Variants in IL18R1 observed in about 807,000 individuals in gnomAD.
The protein encoded by IL18R1 is interleukin-18 receptor 1.
IL18R1 carries 40 observed loss-of-function variants against 48.5 expected under a neutral mutation model. The observed-to-expected ratio is 0.82, with a 90% CI of 0.64 to 1.07. The LOEUF is 1.07. IL18R1 is among the 50% of genes least tolerant of loss of function. The pLI is 0.00. For missense variants in IL18R1, 596 were observed against 633.7 expected, an observed-to-expected ratio of 0.94 and a Z score of 0.64; for synonymous variants, 232 against 225.9, an observed-to-expected ratio of 1.03 and a Z score of -0.24.
At chr2:102,388,767 C>G (rs1014969380) in intron 8 of IL18R1, among the ~76,000 whole-genome samples, 2 of 152,134 alleles carry the variant, frequency 1.3e-5, no homozygotes, top group Non-Finnish European at 2.9e-5. Context: ...TTCCAAGGTA[C>G]AGGAGCCCCA....
chr2:102,395,996 G>A (rs2105137546), intron 10 of IL18R1, among the ~76,000 whole-genome samples: 1 of 152,296 alleles, frequency 6.6e-6, no homozygotes, highest in East Asian at 1.9e-4. Flanking sequence ...TGCAGAAAAA[G>A]TTTGCCAACC....
chr2:102,364,080 G>T (rs956820992), intron 2 of IL18R1, among the ~76,000 whole-genome samples: 4 of 152,106 alleles, frequency 2.6e-5, no homozygotes, highest in Non-Finnish European at 5.9e-5. Context: ...GGGGTGGTGT[G>T]GACTTTCAAT....
At chr2:102,362,964 A>G (rs1201742555) in intron 2 of IL18R1, 5 of 306,320 alleles carry the variant, frequency 1.6e-5, no homozygotes, top group Non-Finnish European at 3.0e-5. Context: ...CATCTTTATT[A>G]TTGGGTTTTA....
intron 3 of IL18R1, 101 bp downstream of exon 3, chr2:102,368,169 T>A: frequency 8.2e-7 from 1 of 1,223,790 alleles, no homozygotes; most frequent in Admixed American, 1.9e-5. Flanking sequence ...AATCACCACA[T>A]CCTTTTCTTT....
chr2:102,378,241 T>C (rs575323773), intron 5 of IL18R1, among the ~76,000 whole-genome samples: 22 of 152,296 alleles, frequency 1.4e-4, no homozygotes, highest in African/African-American at 5.1e-4. Context: ...CATATAATCC[T>C]CACAACAGCT....
At chr2:102,386,800 GA>G (rs1680254735) in intron 7 of IL18R1, 60 bp from the exon 8 acceptor site, 1 of 1,544,946 alleles carries the variant, frequency 6.5e-7, no homozygotes, top group Non-Finnish European at 8.9e-7. Flanking sequence ...TTAAACATGT[GA>G]ATTCCCCTCT....
Position 102,394,478 on chromosome 2 carries a change from C to T in IL18R1, c.1121C>T (p.Thr374Ile). The change falls in exon 10 of 11, where the codon ACA (threonine) becomes ATA (isoleucine). Residue 374 changes from threonine (T) to isoleucine (I), a missense_variant. This residue lies in a region of IL18R1 where 179 missense variants were observed against 206.1 expected (regional missense o/e 0.87). Coordinates refer to ENST00000233957, the MANE Select transcript of IL18R1 (RefSeq NM_003855.5). ...RRDETLTDGK[T>I]YDAFVSYLKE... ...CAATCTTACCTCCTAGATGGAAAAA[C>T]ATATGATGCTTTTGTGTCTTACCTA... The T allele has an allele frequency of 6.2e-7, 1 of 1,609,476 alleles. No homozygotes were observed. The highest frequency in any genetic ancestry group is 8.5e-7 in the Non-Finnish European group (1 of 1,177,410).
chr2:102,386,881 A>G lies in IL18R1; in HGVS notation c.830A>G (p.His277Arg), dbSNP rs377132343. ...MRIMTPEGKW[H>R]ASKVLRIENI... Reference sequence around the variant, plus strand: ...TACAGGACTCCAGAAGGCAAATGGCATGCTTCAAAAGTATTGAGAATTGAA... The same window carrying G: ...TACAGGACTCCAGAAGGCAAATGGCGTGCTTCAAAAGTATTGAGAATTGAA... Residue 277 changes from histidine (H) to arginine (R), a missense_variant, in exon 8 of 11, where the codon CAT becomes CGT. Coordinates refer to ENST00000233957, the MANE Select transcript of IL18R1 (RefSeq NM_003855.5). The G allele has an allele frequency of 1.2e-5, 20 of 1,614,238 alleles. No individual in the cohort carries two copies. The African/African-American group carries it at 2.1e-4, about 17-fold the overall frequency.
intron 2 of IL18R1, 91 bp from the exon 3 acceptor site, chr2:102,367,734 T>A (rs1407828259): frequency 1.8e-6 from 2 of 1,088,798 alleles, no homozygotes; most frequent in African/African-American, 3.2e-5. Context: ...CTAACCTTGC[T>A]TCTTCACCTA....
intron 6 of IL18R1, among the ~76,000 whole-genome samples, chr2:102,383,006 A>G (rs1680007439): frequency 6.6e-6 from 1 of 152,112 alleles, no homozygotes; most frequent in South Asian, 2.1e-4. Context: ...CATTCTATTC[A>G]GTTTAAACCA....
At chr2:102,386,691 C>T (rs1360145674) in intron 7 of IL18R1, among the ~76,000 whole-genome samples, 170 bp from the exon 8 acceptor site, 1 of 152,222 alleles carries the variant, frequency 6.6e-6, no homozygotes, top group African/African-American at 2.4e-5. Context: ...TTCTGATGCT[C>T]CACGGAGGAG....
rs1680188892 is a variant in IL18R1, at chr2:102,385,767, T to C, written c.809+769T>C. On this transcript the variant is annotated intron_variant, in intron 7 of 10. Coordinates refer to ENST00000233957, the MANE Select transcript of IL18R1 (RefSeq NM_003855.5). ...GCATGTGGTTCATGCCCACTACATG[T>C]TGAATTCATTTGAAATTTGTGGATC... Among the ~76,000 whole-genome samples, 3 of 152,226 alleles carry C rather than the reference T, an allele frequency of 2.0e-5. No individual in the cohort carries two copies. The South Asian group carries it at 6.2e-4, about 31-fold the overall frequency.
chr2:102,396,174 C>A (rs527846853), intron 10 of IL18R1, among the ~76,000 whole-genome samples: 30 of 152,162 alleles, frequency 2.0e-4, no homozygotes, highest in African/African-American at 6.3e-4. Context: ...CATTTACTAG[C>A]TGTGTGACTC....
intron 1 of IL18R1, 28 bp from the exon 2 acceptor site, chr2:102,362,605 G>T: frequency 1.3e-6 from 2 of 1,486,522 alleles, no homozygotes; most frequent in East Asian, 2.3e-5. Flanking sequence ...GAAAGCTTTG[G>T]CTGAATCTGT....
At chr2:102,383,353 T>C (rs1363452127) in intron 6 of IL18R1, among the ~76,000 whole-genome samples, 2 of 152,350 alleles carry the variant, frequency 1.3e-5, no homozygotes, top group Non-Finnish European at 1.5e-5. Flanking sequence ...TAATCTTTTA[T>C]CTGCTTGTTC....
At chr2:102,362,796 T>G in intron 2 of IL18R1, 78 bp downstream of exon 2, 1 of 834,126 alleles carries the variant, frequency 1.2e-6, no homozygotes, top group Non-Finnish European at 1.9e-6. Flanking sequence ...TTTTATGTGG[T>G]GGCTACTGAA....
chr2:102,362,904 T>G (rs556758722), intron 2 of IL18R1, 186 bp downstream of exon 2: 2 of 392,302 alleles, frequency 5.1e-6, no homozygotes, highest in East Asian at 3.8e-5. Context: ...ATTACATTTG[T>G]CTGAGGTGAA....
rs1678230357 is a variant in IL18R1 at position 102,356,094 on chromosome 2, CG to C, written c.-334del. The stretch of plus-strand genomic sequence containing the variant: ...CGCTACACTCCCGGACCCGGAGCTT[CG>C]CCCGACCGCGGGCAGTGCCCACCTG... On this transcript the variant is annotated 5_prime_UTR_variant, in exon 1 of 11. Transcript: ENST00000233957. 6.5e-6 allele frequency: 1 copy of C among 152,988 alleles called. No individual in the cohort carries two copies. The highest frequency in any genetic ancestry group is 2.1e-4 in the South Asian group (1 of 4,862). 9.5% of individuals were successfully genotyped at this position (152,988 alleles called of 1,614,324 possible). A position where few individuals can be genotyped will look rare whatever the true frequency, so the allele number is the denominator to read the frequency against.
chr2:102,391,316 T>C (rs1680559079), intron 9 of IL18R1, among the ~76,000 whole-genome samples: 1 of 152,252 alleles, frequency 6.6e-6, no homozygotes, highest in East Asian at 1.9e-4. Context: ...CAGATTCTTA[T>C]TACACACCTC....
Sources: gnomAD v4.1 joint callset for allele counts (sites outside exome capture counted in the v4.1 genomes callset) on GRCh38, gnomAD v4.1.1 for gene constraint, gnomAD v4.1.1 regional missense constraint, MANE v1.5 for transcripts, NCBI Gene and HGNC (gene_info 2026-07-23, HGNC 2026-07-21) for gene names.